Variants in MCC observed in about 807,000 individuals in gnomAD.
MCC encodes the protein MCC regulator of Wnt signaling pathway, also known as colorectal mutant cancer protein.
In MCC, 90 loss-of-function variants were observed where a neutral mutation model predicts 116.2. The observed-to-expected ratio is 0.77, with a 90% confidence interval of 0.65 to 0.92. The LOEUF (loss-of-function observed/expected upper bound fraction) is 0.92, where lower values mean the gene tolerates loss of function less well. Among genes scored for constraint, MCC ranks in the 40% least tolerant of loss-of-function variants. The probability of loss-of-function intolerance (pLI) is 0.00; values close to 1 mark genes in which losing one functional copy is unlikely to be tolerated. For synonymous variants in MCC, 578 were observed against 510.5 expected (o/e 1.13, Z -1.78); for missense variants, 1,516 against 1,312.2 (o/e 1.16, Z -2.40).
At position 113,082,849 on chromosome 5, in the gene MCC, T is replaced by C. The variant is rs763893309; in HGVS notation, c.1784+11A>G. 2.5e-6 allele frequency: 4 copies of C among 1,612,444 alleles called. No homozygotes were observed. In the African/African-American group the frequency reaches 5.3e-5, roughly 22 times the overall value. On this transcript the variant is annotated intron_variant, in intron 11 of 18. Coordinates refer to ENST00000408903, the MANE Select transcript of MCC (RefSeq NM_001085377.2). ...CTGCCCCACAATCAAATCGATACGA[T>C]CTCTCCTCACCTATTCAGCCGTTCT...
chr5:113,453,141 C>T (rs1444704247), intron 1 of MCC, among the ~76,000 whole-genome samples: 3 of 152,074 alleles, frequency 2.0e-5, no homozygotes, highest in Admixed American at 6.6e-5. Context: ...AGTTTTCCAG[C>T]GTGAACGCAT....
At chr5:113,172,724 A>G (rs1403668237) in intron 3 of MCC, among the ~76,000 whole-genome samples, 1 of 152,238 alleles carries the variant, frequency 6.6e-6, no homozygotes, top group Non-Finnish European at 1.5e-5. Flanking sequence ...GCTACAATGA[A>G]GAACCTTAGA....
intron 8 of MCC, among the ~76,000 whole-genome samples, chr5:113,089,112 TG>T (rs1361564055): frequency 4.6e-5 from 7 of 152,278 alleles, no homozygotes; most frequent in Admixed American, 3.9e-4. Context: ...CACCAGAACA[TG>T]ACCTGAGAGG....
intron 1 of MCC, among the ~76,000 whole-genome samples, chr5:113,454,457 A>G (rs1771486417): frequency 6.6e-6 from 1 of 152,174 alleles, no homozygotes; most frequent in African/African-American, 2.4e-5. Context: ...TTGAGAGCCC[A>G]AGGCAGATGG....
At chr5:113,260,197 T>G (rs1303214838) in intron 3 of MCC, among the ~76,000 whole-genome samples, 1 of 152,198 alleles carries the variant, frequency 6.6e-6, no homozygotes, top group Non-Finnish European at 1.5e-5. Flanking sequence ...GTTCTTGTTA[T>G]GTGGGTTATA....
intron 5 of MCC, among the ~76,000 whole-genome samples, chr5:113,124,363 A>G (rs1482459788): frequency 6.6e-6 from 1 of 152,212 alleles, no homozygotes; most frequent in East Asian, 1.9e-4. Context: ...AGCACTTAAA[A>G]TTCTGATTTT....
At chr5:113,369,529 T>A (rs1768787458) in intron 2 of MCC, among the ~76,000 whole-genome samples, 1 of 152,210 alleles carries the variant, frequency 6.6e-6, no homozygotes, top group African/African-American at 2.4e-5. Context: ...ATTTTTTGAG[T>A]GTTCTCTCTG....
At chr5:113,066,976 G>A (rs185888129) in intron 13 of MCC, among the ~76,000 whole-genome samples, 86 of 152,270 alleles carry the variant, frequency 5.6e-4, no homozygotes, top group Non-Finnish European at 9.6e-4. Flanking sequence ...ATGGAGAGAC[G>A]GCCACCTTTC....
intron 1 of MCC, among the ~76,000 whole-genome samples, chr5:113,462,843 A>G (rs1771782752): frequency 6.6e-6 from 1 of 152,210 alleles, no homozygotes; most frequent in African/African-American, 2.4e-5. Flanking sequence ...TGGGGATTCA[A>G]TGGTGAATAA....
intron 3 of MCC, among the ~76,000 whole-genome samples, chr5:113,236,627 A>C (rs947466274): frequency 1.3e-5 from 2 of 152,256 alleles, no homozygotes; most frequent in African/African-American, 4.8e-5. Flanking sequence ...TATAATGTTT[A>C]TCTTCACTGT....
chr5:113,334,021 G>A (rs146947300), intron 3 of MCC, among the ~76,000 whole-genome samples: 1 of 144,812 alleles, frequency 6.9e-6, no homozygotes, highest in Admixed American at 6.9e-5. Flanking sequence ...ATTAATTTTA[G>A]TGTACATCAA....
chr5:113,434,369 GA>G lies in MCC; in HGVS notation c.171-49158del. 1 of 1,613,998 alleles carries G rather than the reference GA, an allele frequency of 6.2e-7. No individual in the cohort carries two copies. Among genetic ancestry groups the G allele is most frequent in the Non-Finnish European group, 8.5e-7 (1 of 1,179,978 alleles). On this transcript the variant is annotated intron_variant, in intron 1 of 18. Transcript: ENST00000408903. This position sits in a 1 kb window ranked among gnomAD's most constrained non-coding sequence, Gnocchi z 4.2. ...TGTCATCCCGCAGGCAGCGCTTGGA[GA>G]AGCTGAAGTCGGACAGCTTGATGTT...
chr5:113,139,876 C>A (rs1235542639), intron 5 of MCC, among the ~76,000 whole-genome samples: 1 of 152,130 alleles, frequency 6.6e-6, no homozygotes, highest in Non-Finnish European at 1.5e-5. Context: ...TGTGCACCAC[C>A]ATACAAAGAC....
chr5:113,437,257 G>C (rs114093470), intron 1 of MCC: 1 of 152,220 alleles, frequency 6.6e-6, no homozygotes, highest in Non-Finnish European at 1.5e-5. Flanking sequence ...ATGCAAGAGA[G>C]AGCAGGGAAG....
At chr5:113,113,011 A>G (rs938902480) in intron 6 of MCC, among the ~76,000 whole-genome samples, 55 of 152,240 alleles carry the variant, frequency 3.6e-4, no homozygotes, top group African/African-American at 1.3e-3. Flanking sequence ...TAGCCAGGCT[A>G]AGAAACAGAA....
chr5:113,457,395 G>A (rs942304376), intron 1 of MCC, among the ~76,000 whole-genome samples: 8 of 152,202 alleles, frequency 5.3e-5, no homozygotes, highest in African/African-American at 1.4e-4. Flanking sequence ...AGCAGGCCTC[G>A]GGACTGCAGC....
chr5:113,027,363 T>C lies in MCC; in HGVS notation c.2999A>G (p.Gln1000Arg), dbSNP rs1750622423. ...RHETQVRMLK[Q>R]RIALLEEENS... ...CTCCTCCTCTAGCAGAGCTATTCTT[T>C]GCTTGAGCATCCTCACTTGGGTCTC... Residue 1000 changes from glutamine (Q) to arginine (R), a missense_variant, in exon 19 of 19, where the codon CAA becomes CGA. Transcript: ENST00000408903. 6.2e-7 allele frequency: 1 copy of C among 1,614,194 alleles called. No individual in the cohort carries two copies. Among genetic ancestry groups the C allele is most frequent in the Non-Finnish European group, 8.5e-7 (1 of 1,180,022 alleles).
rs1771212664 is a variant in MCC, at chr5:113,446,116, A to C, written c.170+42129T>G. The stretch of plus-strand genomic sequence containing the variant: ...TTAACTCAAGATGGATTACAGTTTT[A>C]AATGTAAAACCTCAAACTATAAGAA... On this transcript the variant is annotated intron_variant, in intron 1 of 18. Coordinates refer to ENST00000408903, the MANE Select transcript of MCC (RefSeq NM_001085377.2). Among the ~76,000 whole-genome samples the C allele has an allele frequency of 3.3e-5, 5 of 152,250 alleles. No homozygotes were observed. The South Asian group carries it at 1.0e-3, about 31-fold the overall frequency.
chr5:113,045,131 C>A (rs1751986237), intron 16 of MCC, among the ~76,000 whole-genome samples: 1 of 152,204 alleles, frequency 6.6e-6, no homozygotes, highest in Admixed American at 6.5e-5. Flanking sequence ...TATATCCATT[C>A]CCATTTGATG....
Sources: allele counts gnomAD v4.1 joint callset (sites outside exome capture counted in the v4.1 genomes callset), GRCh38; gene constraint gnomAD v4.1.1; non-coding constraint Gnocchi (gnomAD v3.1); transcripts MANE v1.5; gene names NCBI Gene and HGNC (gene_info 2026-07-23, HGNC 2026-07-21).